Variants in CFAP251 observed in about 807,000 individuals in gnomAD.
CFAP251 encodes cilia- and flagella-associated protein 251.
In CFAP251, 93 loss-of-function variants were observed where a neutral mutation model predicts 126.7. That is an observed-to-expected ratio of 0.73 (90% CI 0.62 to 0.87). The LOEUF (loss-of-function observed/expected upper bound fraction) is 0.87, where lower values mean the gene tolerates loss of function less well. Among genes scored for constraint, CFAP251 ranks in the 40% least tolerant of loss-of-function variants. The pLI, the probability that CFAP251 is intolerant of heterozygous loss-of-function variation, is 0.00. For missense variants in CFAP251, 1,287 were observed against 1,389.2 expected, an observed-to-expected ratio of 0.93 and a Z score of 1.17; for synonymous variants, 503 against 506.9, an observed-to-expected ratio of 0.99 and a Z score of 0.10.
chr12:121,939,557 C>T (rs1565906382), intron 5 of CFAP251, among the ~76,000 whole-genome samples: 1 of 150,808 alleles, frequency 6.6e-6, no homozygotes, highest in Non-Finnish European at 1.5e-5. Context: ...ATTTGTGAAA[C>T]TCTCTCTCTA....
In CFAP251 at chr12:121,958,341, G is replaced by A; in HGVS notation, c.1800G>A (p.Lys600=). The A allele has an allele frequency of 6.2e-7, 1 of 1,614,206 alleles. No homozygotes were observed. Among genetic ancestry groups the A allele is most frequent in the Non-Finnish European group, 8.5e-7 (1 of 1,180,034 alleles). Residue 600 remains lysine (K), a synonymous_variant, in exon 12 of 22, where the codon AAG becomes AAA. Coordinates refer to ENST00000288912, the MANE Select transcript of CFAP251 (RefSeq NM_144668.6). ...HLTTDGTKLE[K]LFVEPKDAIC... ...CAACAGATGGGACCAAACTTGAGAA[G>A]TTATTTGTAGAGCCCAAGGATGCCA...
chr12:121,967,900 A>T, intron 16 of CFAP251, 106 bp from the exon 17 acceptor site: 1 of 1,045,682 alleles, frequency 9.6e-7, no homozygotes, highest in Non-Finnish European at 1.4e-6. Flanking sequence ...GTCCAGACAC[A>T]CAGGTCCTTC....
chr12:121,988,037 T>A (rs1007138812), intron 19 of CFAP251, among the ~76,000 whole-genome samples: 1 of 152,092 alleles, frequency 6.6e-6, no homozygotes, highest in Admixed American at 6.5e-5. Flanking sequence ...TGTTTCACTC[T>A]TGACTGGTTT....
At chr12:121,966,878 C>A in intron 15 of CFAP251, 77 bp from the exon 16 acceptor site, 1 of 1,422,144 alleles carries the variant, frequency 7.0e-7, no homozygotes, top group Non-Finnish European at 9.8e-7. Context: ...GCCACTGCGC[C>A]TGGCCCGACC....
chr12:121,985,332 G>A (rs1882720114), intron 19 of CFAP251, among the ~76,000 whole-genome samples: 2 of 151,926 alleles, frequency 1.3e-5, no homozygotes, highest in Non-Finnish European at 2.9e-5. Flanking sequence ...TCAGGAGTTC[G>A]AGACCAGTTT....
At chr12:121,999,594 C>T in intron 19 of CFAP251, 122 bp from the exon 20 acceptor site, 1 of 728,450 alleles carries the variant, frequency 1.4e-6, no homozygotes, top group East Asian at 2.8e-5. Context: ...CCACGGCCTC[C>T]CAAAGTGCTA....
At chr12:121,952,662 T>C (rs1161267335) in intron 9 of CFAP251, 1 of 152,184 alleles carries the variant, frequency 6.6e-6, no homozygotes, top group African/African-American at 2.4e-5. Context: ...TTGCTGCCCA[T>C]GTAACCTGCT....
intron 8 of CFAP251, 34 bp from the exon 9 acceptor site, chr12:121,951,446 T>A (rs1158668613): frequency 2.1e-6 from 3 of 1,450,210 alleles, no homozygotes; most frequent in Non-Finnish European, 2.8e-6. Flanking sequence ...AAACTGGGTC[T>A]TTTTGAGTAG....
chr12:121,927,097 C>T (rs532029161), intron 3 of CFAP251, among the ~76,000 whole-genome samples: 46 of 152,256 alleles, frequency 3.0e-4, no homozygotes, highest in Non-Finnish European at 4.9e-4. Context: ...GTGACTGCTC[C>T]TCTCCTGACC....
rs1401791198 is a variant in CFAP251, at chr12:121,963,859, G to A, written c.2492+1697G>A. On this transcript the variant is annotated intron_variant, in intron 15 of 21. Coordinates refer to ENST00000288912, the MANE Select transcript of CFAP251 (RefSeq NM_144668.6). Reference sequence around the variant, plus strand: ...CCTCTACTCAGCGCTGTGGGGCCTCGACACAGCCCTGGCTTTGGGATCTTA... The same window carrying A: ...CCTCTACTCAGCGCTGTGGGGCCTCAACACAGCCCTGGCTTTGGGATCTTA... 2.0e-5 allele frequency among the ~76,000 whole-genome samples: 3 copies of A among 151,698 alleles called. No homozygotes were observed. In the East Asian group the frequency reaches 5.8e-4, roughly 29 times the overall value.
rs990793372 is a variant in CFAP251 at position 121,973,767 on chromosome 12, C to G, written c.2772-1477C>G. Reference sequence around the variant, plus strand: ...GCCCCTTTGTTTCGGCCAATTCCTCCCATTTGGAATGGCCGTATTTACCCA... The same window carrying G: ...GCCCCTTTGTTTCGGCCAATTCCTCGCATTTGGAATGGCCGTATTTACCCA... On this transcript the variant is annotated intron_variant, in intron 17 of 21. Transcript: ENST00000288912. 5.3e-5 allele frequency among the ~76,000 whole-genome samples: 8 copies of G among 152,312 alleles called. No individual in the cohort carries two copies. The East Asian group carries it at 1.5e-3, about 29-fold the overall frequency.
At chr12:121,947,244 T>C (rs1881356897) in intron 7 of CFAP251, among the ~76,000 whole-genome samples, 1 of 152,188 alleles carries the variant, frequency 6.6e-6, no homozygotes, top group African/African-American at 2.4e-5. Flanking sequence ...TGTTAAACTG[T>C]CTATTAAGCA....
intron 17 of CFAP251, among the ~76,000 whole-genome samples, chr12:121,973,156 C>A (rs1178247448): frequency 1.3e-5 from 2 of 152,182 alleles, no homozygotes; most frequent in African/African-American, 4.8e-5. Flanking sequence ...GGCATCCCAG[C>A]CACTCCAGTC....
chr12:121,939,789 T>C (rs1435773198), intron 5 of CFAP251, among the ~76,000 whole-genome samples: 1 of 152,212 alleles, frequency 6.6e-6, no homozygotes, highest in African/African-American at 2.4e-5. Context: ...CCTCCAGTTT[T>C]TCGCTCAGCT....
chr12:121,925,971 A>G (rs901038992), intron 3 of CFAP251, among the ~76,000 whole-genome samples: 1 of 149,644 alleles, frequency 6.7e-6, no homozygotes, highest in African/African-American at 2.5e-5. Context: ...CAGCCTCCCG[A>G]GTAGCTGGGA....
intron 10 of CFAP251, chr12:121,955,609 T>C (rs749050171): frequency 6.6e-6 from 1 of 152,160 alleles, no homozygotes; most frequent in Non-Finnish European, 1.5e-5. Context: ...AATTGCCTAG[T>C]GATGGGGACG....
At chr12:121,961,175 C>G (rs914733499) in intron 14 of CFAP251, among the ~76,000 whole-genome samples, 1 of 152,198 alleles carries the variant, frequency 6.6e-6, no homozygotes, top group East Asian at 1.9e-4. Flanking sequence ...GATGGGCAAA[C>G]GCAATATTAC....
At chr12:121,951,414 A>T in intron 8 of CFAP251, 66 bp from the exon 9 acceptor site, 1 of 1,143,250 alleles carries the variant, frequency 8.7e-7, no homozygotes, top group East Asian at 2.4e-5. Context: ...TGCTTTTATT[A>T]TTAATGCCGT....
chr12:121,992,969 C>CTCTCCCTCTCCG lies in CFAP251; in HGVS notation c.3007-6735_3007-6724dup, dbSNP rs1565925027. Among the ~76,000 whole-genome samples the CTCTCCCTCTCCG allele has an allele frequency of 3.5e-5, 5 of 143,510 alleles. No individual in the cohort carries two copies. The South Asian group carries it at 6.9e-4, about 20-fold the overall frequency. 94.1% of individuals were successfully genotyped at this position (143,510 alleles called of 152,430 possible). ...GCTCTCCCTCTCCCTCTCCCACTCC[C>CTCTCCCTCTCCG]TCTCCCTCTCCGTCTCCCTCTCCCT... is the stretch of plus-strand genomic sequence containing the variant. On this transcript the variant is annotated intron_variant, in intron 19 of 21. Transcript: ENST00000288912.
Sources: gnomAD v4.1 joint callset for allele counts (sites outside exome capture counted in the v4.1 genomes callset) on GRCh38, gnomAD v4.1.1 for gene constraint, MANE v1.5 for transcripts, NCBI Gene and HGNC (gene_info 2026-07-23, HGNC 2026-07-21) for gene names.